TECTB: variants seen among roughly 807,000 people sequenced by gnomAD.
TECTB encodes the protein beta-tectorin.
TECTB carries 45 observed loss-of-function variants against 43.3 expected under a neutral mutation model. The observed-to-expected ratio is 1.04, with a 90% CI of 0.82 to 1.33. The LOEUF is 1.33. Among genes scored for constraint, TECTB ranks in the 40% most tolerant of loss-of-function variants. TECTB has a pLI of 0.00. For synonymous variants in TECTB, 169 were observed against 156.7 expected (o/e 1.08, Z -0.59); for missense variants, 399 against 404.7 (o/e 0.99, Z 0.12).
At chr10:112,285,619 C>A (rs1037388823) in intron 3 of TECTB, among the ~76,000 whole-genome samples, 1 of 152,178 alleles carries the variant, frequency 6.6e-6, no homozygotes, top group Non-Finnish European at 1.5e-5. Flanking sequence ...TAGAGCCCAA[C>A]AAGTCAGGCG....
intron 5 of TECTB, among the ~76,000 whole-genome samples, chr10:112,292,003 G>A (rs955616431): frequency 1.3e-5 from 2 of 152,114 alleles, no homozygotes; most frequent in Non-Finnish European, 1.5e-5. Context: ...GGGCGTGGTG[G>A]CAGGCACCTG....
intron 9 of TECTB, among the ~76,000 whole-genome samples, 192 bp from the exon 10 acceptor site, chr10:112,301,909 T>C (rs1051838206): frequency 2.6e-5 from 4 of 152,030 alleles, no homozygotes; most frequent in Admixed American, 6.6e-5. Context: ...CAGGGTTTCA[T>C]CATGTTGCCC....
At chr10:112,300,793 T>A (rs1382877521) in intron 9 of TECTB, among the ~76,000 whole-genome samples, 1 of 152,180 alleles carries the variant, frequency 6.6e-6, no homozygotes, top group South Asian at 2.1e-4. Context: ...AAATCTGAAA[T>A]CTGAAACACT....
In TECTB at chr10:112,299,517, T is replaced by C. The variant is rs760986140; in HGVS notation, c.860T>C (p.Leu287Pro). The change falls in exon 9 of 11, where the codon CTG becomes CCG. Residue 287 changes from leucine to proline, a missense_variant. Transcript: ENST00000646139. Reference protein sequence around the residue: ...PVTCDKRKRLLRDQTGGVLVV... With the variant: ...PVTCDKRKRLPRDQTGGVLVV... ...ACCTGCGATAAACGGAAGCGCCTCCTGCGAGACCAGACCGGGGGAGTCCTG... is the reference window on the plus strand; with the variant it reads ...ACCTGCGATAAACGGAAGCGCCTCCCGCGAGACCAGACCGGGGGAGTCCTG... 2 of 1,614,232 alleles carry C rather than the reference T, an allele frequency of 1.2e-6. No homozygotes were observed. The highest frequency in any genetic ancestry group is 1.7e-6 in the Non-Finnish European group (2 of 1,180,024).
intron 9 of TECTB, among the ~76,000 whole-genome samples, chr10:112,300,307 G>A (rs1589643153): frequency 9.3e-6 from 1 of 107,428 alleles, no homozygotes; most frequent in South Asian, 3.3e-4. Context: ...AAGAAAGAAA[G>A]AAAGAAAGAA....
Position 112,303,412 on chromosome 10 carries a change from T to A in TECTB, c.*100T>A. ...CAAAAAGAACAAACAGAAGACCACA[T>A]TGTTGGGGGGCAGAGAATAGCACTT... is the stretch of plus-strand genomic sequence containing the variant. On this transcript the variant is annotated 3_prime_UTR_variant, in exon 11 of 11. Coordinates refer to ENST00000646139, the MANE Select transcript of TECTB (RefSeq NM_058222.3). 6.9e-7 allele frequency: 1 copy of A among 1,459,782 alleles called. No homozygotes were observed. Among genetic ancestry groups the A allele is most frequent in the Non-Finnish European group, 9.6e-7 (1 of 1,041,356 alleles). 90.4% of individuals were successfully genotyped at this position (1,459,782 alleles called of 1,614,324 possible).
intron 2 of TECTB, among the ~76,000 whole-genome samples, chr10:112,284,175 T>C (rs557360443): frequency 1.8e-4 from 28 of 152,212 alleles, no homozygotes; most frequent in Admixed American, 3.3e-4. Flanking sequence ...TGCATGAAAT[T>C]GACATTTAAA....
rs779949483 is a variant in TECTB at position 112,298,180 on chromosome 10, G to T, written c.783G>T (p.Trp261Cys). 6.2e-7 allele frequency: 1 copy of T among 1,614,214 alleles called. No individual in the cohort carries two copies. Among genetic ancestry groups the T allele is most frequent in the South Asian group, 1.1e-5 (1 of 91,088 alleles). Reference protein sequence around the residue: ...FQNIPKLSKVWLHCETFICDS... With the variant: ...FQNIPKLSKVCLHCETFICDS... ...ACATCCCCAAACTCTCCAAGGTGTG[G>T]TTACACTGTGAGACGTTCATCTGCG... is the stretch of plus-strand genomic sequence containing the variant. Residue 261 changes from tryptophan to cysteine, a missense_variant, in exon 8 of 11, where the codon TGG becomes TGT. Trp to Cys is a radical substitution (Grantham distance 215, BLOSUM62 -2). Transcript: ENST00000646139.
At chr10:112,299,419 T>A in intron 8 of TECTB, 73 bp from the exon 9 acceptor site, 1 of 1,432,456 alleles carries the variant, frequency 7.0e-7, no homozygotes, top group Non-Finnish European at 9.8e-7. Flanking sequence ...CTTTTCTTTC[T>A]CTTTTCTCCC....
intron 6 of TECTB, 55 bp downstream of exon 6, chr10:112,293,896 G>C: frequency 6.2e-7 from 1 of 1,603,434 alleles, no homozygotes; most frequent in Non-Finnish European, 8.5e-7. Context: ...AAAAAGACTA[G>C]CTGACATACT....
chr10:112,287,676 G>A (rs996377197), intron 5 of TECTB, among the ~76,000 whole-genome samples: 2 of 152,170 alleles, frequency 1.3e-5, no homozygotes, highest in South Asian at 2.1e-4. Flanking sequence ...GTACAGATGA[G>A]GACCAGAAGC....
At chr10:112,284,747 CAG>C in intron 3 of TECTB, 22 bp downstream of exon 3, 1 of 1,495,450 alleles carries the variant, frequency 6.7e-7, no homozygotes. Flanking sequence ...CCACACAGTG[CAG>C]AGTTGTTTAA....
In TECTB at chr10:112,283,775, A is replaced by C. The variant is rs1848432068; in HGVS notation, c.41A>C (p.Glu14Ala). Reference protein sequence around the residue: ...KAFVLLAIFAEASAKSCAPNK... With the variant: ...KAFVLLAIFAAASAKSCAPNK... ...TTTGTCTTGTTGGCCATCTTTGCAG[A>C]AGCCTCTGCAAAATCGTGTGCTCCA... Residue 14 changes from glutamate (E) to alanine (A), a missense_variant, in exon 2 of 11, where the codon GAA becomes GCA. Transcript: ENST00000646139. 2 of 1,613,968 alleles carry C rather than the reference A, an allele frequency of 1.2e-6. No individual in the cohort carries two copies. The highest frequency in any genetic ancestry group is 1.7e-6 in the Non-Finnish European group (2 of 1,179,938).
intron 9 of TECTB, among the ~76,000 whole-genome samples, chr10:112,301,342 G>T (rs1848610243): frequency 6.6e-6 from 1 of 151,416 alleles, no homozygotes; most frequent in South Asian, 2.1e-4. Context: ...GGGAGGCAGA[G>T]GTTGCAGTGA....
At position 112,303,449 on chromosome 10, in the gene TECTB, C is replaced by A; in HGVS notation, c.*137C>A. ...AGAGAATAGCACTTTGCCAAATATG[C>A]ACTCCAATAATTTCTGTGAATTTGG... On this transcript the variant is annotated 3_prime_UTR_variant, in exon 11 of 11. Transcript: ENST00000646139. 1.9e-6 allele frequency: 2 copies of A among 1,039,552 alleles called. No homozygotes were observed. The highest frequency in any genetic ancestry group is 2.9e-6 in the Non-Finnish European group (2 of 685,828). 64.4% of individuals were successfully genotyped at this position (1,039,552 alleles called of 1,614,324 possible). A position where few individuals can be genotyped will look rare whatever the true frequency, so the allele number is the denominator to read the frequency against.
intron 7 of TECTB, among the ~76,000 whole-genome samples, chr10:112,297,582 A>G (rs1848559800): frequency 6.6e-6 from 1 of 152,210 alleles, no homozygotes; most frequent in Non-Finnish European, 1.5e-5. Flanking sequence ...GTAGATATAT[A>G]TAATTTAAAT....
At chr10:112,293,616 C>T (rs1848518571) in intron 5 of TECTB, 122 bp from the exon 6 acceptor site, 3 of 798,226 alleles carry the variant, frequency 3.8e-6, no homozygotes, top group African/African-American at 3.4e-5. Context: ...ACTCTATGGT[C>T]TCACCTGCTT....
Position 112,298,228 on chromosome 10 carries a change from A to G in TECTB, c.831A>G (p.Pro277=). The stretch of plus-strand genomic sequence containing the variant: ...GCGACAGTGAGAAACTCTCCTGCCC[A>G]GTGGTGAGCTGCCTCTCTCCAGAAG... ...FICDSEKLSC[P]VTCDKRKRLL... The change falls in exon 8 of 11, where the codon CCA becomes CCG. Residue 277 remains proline, a synonymous_variant. Transcript: ENST00000646139. 5 of 1,613,128 alleles carry G rather than the reference A, an allele frequency of 3.1e-6. No individual in the cohort carries two copies. Among genetic ancestry groups the G allele is most frequent in the Non-Finnish European group, 4.2e-6 (5 of 1,179,552 alleles).
intron 7 of TECTB, among the ~76,000 whole-genome samples, chr10:112,297,784 T>A (rs1050861026): frequency 6.6e-6 from 1 of 152,118 alleles, no homozygotes; most frequent in African/African-American, 2.4e-5. Context: ...TCCTAGGGAT[T>A]TTCTTTCTTT....
Sources: gnomAD v4.1 joint callset for allele counts (sites outside exome capture counted in the v4.1 genomes callset) on GRCh38, gnomAD v4.1.1 for gene constraint, MANE v1.5 for transcripts, NCBI Gene and HGNC (gene_info 2026-07-23, HGNC 2026-07-21) for gene names.